The following SIGLEC12 variants were observed in gnomAD, a reference collection of about 807,000 sequenced individuals.
The protein encoded by SIGLEC12 is sialic acid binding Ig like lectin 12, also known as sialic acid-binding Ig-like lectin 12.
SIGLEC12 carries 43 observed loss-of-function variants against 54.1 expected under a neutral mutation model. The observed-to-expected ratio is 0.80, with a 90% confidence interval of 0.62 to 1.03. SIGLEC12 has a LOEUF of 1.03. SIGLEC12 is among the 50% of genes least tolerant of loss of function. The probability of loss-of-function intolerance (pLI) is 0.00; values close to 1 mark genes in which losing one functional copy is unlikely to be tolerated. For synonymous variants in SIGLEC12, 357 were observed against 307.6 expected (o/e 1.16, Z -1.68); for missense variants, 802 against 735.2 (o/e 1.09, Z -1.05).
In SIGLEC12 at chr19:51,493,887, G is replaced by GT; in HGVS notation, c.1600-2059dup. 2.0e-5 allele frequency among the ~76,000 whole-genome samples: 3 copies of GT among 152,308 alleles called. 1 individual carries two copies. The highest frequency in any genetic ancestry group is 2.0e-4 in the Admixed American group (3 of 15,302). Reference sequence around the variant, plus strand: ...CCAGAGGGATCCCATGAAAATAAAAGTTAATCATGGTCTCTTGCACAAAAC... The same window carrying GT: ...CCAGAGGGATCCCATGAAAATAAAAGTTTAATCATGGTCTCTTGCACAAAAC... On this transcript the variant is annotated intron_variant, in intron 7 of 7. Transcript: ENST00000291707.
chr19:51,500,291 T>G lies in SIGLEC12; in HGVS notation c.437A>C (p.Asp146Ala). Residue 146 changes from aspartate to alanine, a missense_variant, in exon 2 of 8, where the codon GAC becomes GCC. By Grantham distance (126) the Asp-to-Ala change is moderately radical. Transcript: ENST00000291707. Reference protein sequence around the residue: ...QLSVNVTASQDLLSRYRLEVP... With the variant: ...QLSVNVTASQALLSRYRLEVP... ...CTCCAGCCTGTATCTTGACAGTAGG[T>G]CCTGGGACGCTGTGGAGAAACGAGG... 1 of 1,614,084 alleles carries G rather than the reference T, an allele frequency of 6.2e-7. No homozygotes were observed. The highest frequency in any genetic ancestry group is 8.5e-7 in the Non-Finnish European group (1 of 1,180,004).
chr19:51,499,094 C>G, intron 4 of SIGLEC12, 76 bp downstream of exon 4: 1 of 1,525,068 alleles, frequency 6.6e-7, no homozygotes, highest in Non-Finnish European at 9.1e-7. Context: ...GGTCTCAGGT[C>G]ACCAGGGTGA....
Position 51,501,782 on chromosome 19 carries a change from G to T in SIGLEC12, c.-49C>A. 1.3e-6 allele frequency: 2 copies of T among 1,514,356 alleles called. No homozygotes were observed. The highest frequency in any genetic ancestry group is 1.8e-6 in the Non-Finnish European group (2 of 1,128,306). The allele number at this position is 1,514,356 out of a possible 1,614,324, so 93.8% of individuals were successfully genotyped here. ...TTGCTGAGGTAAGTCTGTTCCTCAG[G>T]GTTCTTCTCTCAGGAACTGAGAACT... is the stretch of plus-strand genomic sequence containing the variant. On this transcript the variant is annotated 5_prime_UTR_variant, in exon 1 of 8. Coordinates refer to ENST00000291707, the MANE Select transcript of SIGLEC12 (RefSeq NM_053003.4).
chr19:51,491,899 A>C, intron 7 of SIGLEC12, 70 bp from the exon 8 acceptor site: 1 of 1,259,744 alleles, frequency 7.9e-7, no homozygotes, highest in South Asian at 1.5e-5. Flanking sequence ...GCATCCAGGA[A>C]GGAGGCCCAG....
chr19:51,500,659 C>T (rs1041799633), intron 1 of SIGLEC12, among the ~76,000 whole-genome samples: 1 of 152,084 alleles, frequency 6.6e-6, no homozygotes, highest in Non-Finnish European at 1.5e-5. Flanking sequence ...GCACCAGACA[C>T]GTAGGTCCTG....
chr19:51,496,255 G>A (rs546663021), intron 7 of SIGLEC12, among the ~76,000 whole-genome samples: 1 of 152,336 alleles, frequency 6.6e-6, no homozygotes, highest in Admixed American at 6.5e-5. Flanking sequence ...GATCACCTGA[G>A]GTTGGGAGTT....
At chr19:51,491,859 C>A in intron 7 of SIGLEC12, 30 bp from the exon 8 acceptor site, 1 of 1,510,322 alleles carries the variant, frequency 6.6e-7, no homozygotes, top group Admixed American at 2.1e-5. Flanking sequence ...GGAGTCAGTG[C>A]AGAGCAGTGG....
chr19:51,497,128 CAG>C lies in SIGLEC12; in HGVS notation c.1503-154_1503-153del, dbSNP rs3833874. 1.2e-4 allele frequency: 157 copies of C among 1,300,298 alleles called. 1 individual carries two copies. In the East Asian group the frequency reaches 3.5e-3, roughly 29 times the overall value. The allele number at this position is 1,300,298 out of a possible 1,614,324, so 80.5% of individuals were successfully genotyped here. A position where few individuals can be genotyped will look rare whatever the true frequency, so the allele number is the denominator to read the frequency against. The stretch of plus-strand genomic sequence containing the variant: ...ATTCCAGAGACCCCAATGTCGAAAA[CAG>C]AGGCTCTTTTTTCCTGGGCAGTAGG... On this transcript the variant is annotated intron_variant, in intron 6 of 7. Transcript: ENST00000291707.
chr19:51,492,094 T>C (rs73049692), intron 7 of SIGLEC12, among the ~76,000 whole-genome samples: 8,851 of 152,198 alleles, frequency 0.058, 346 homozygotes, highest in East Asian at 0.16. Flanking sequence ...GAGGTAGAAA[T>C]GGTTAAGTAC....
rs1243586814 is a variant in SIGLEC12, at chr19:51,501,716, T to TGGTGGC, written c.17_18insGCCACC (p.Leu6_Leu7insProPro). 1.9e-6 allele frequency: 3 copies of TGGTGGC among 1,609,250 alleles called. No homozygotes were observed. In the East Asian group the frequency reaches 6.7e-5, roughly 36 times the overall value. The stretch of plus-strand genomic sequence containing the variant: ...TCCCACAGAGCAGGGGTGGCAGCAG[T>TGGTGGC]AGCAGCAGCAGTAGCATGTGTCGGG... On this transcript the variant is annotated inframe_insertion, in exon 1 of 8. Coordinates refer to ENST00000291707, the MANE Select transcript of SIGLEC12 (RefSeq NM_053003.4).
chr19:51,491,835 T>C lies in SIGLEC12; in HGVS notation c.1600-6A>G. 6.5e-7 allele frequency: 1 copy of C among 1,548,164 alleles called. No individual in the cohort carries two copies. Among genetic ancestry groups the C allele is most frequent in the Non-Finnish European group, 8.7e-7 (1 of 1,150,954 alleles). On this transcript the variant is annotated splice_polypyrimidine_tract_variant and splice_region_variant and intron_variant, in intron 7 of 7. Transcript: ENST00000291707. ...GGGGATTCAATCAGGGGTCCCTGAATGGAGGAAGAGAAGGGAGTCAGTGCA... is the reference window on the plus strand; with the variant it reads ...GGGGATTCAATCAGGGGTCCCTGAACGGAGGAAGAGAAGGGAGTCAGTGCA...
In SIGLEC12 at chr19:51,498,112, A is replaced by G. The variant is rs576680468; in HGVS notation, c.1311T>C (p.His437=). ...NLGVLELPRV[H]VKDEGEFTCR... ...AGGTGAATTCCCCTTCATCCTTCAC[A>G]TGCACTCGAGGCAGCTCCAGCACCC... is the stretch of plus-strand genomic sequence containing the variant. Residue 437 remains histidine, a synonymous_variant, in exon 5 of 8, where the codon CAT becomes CAC. Coordinates refer to ENST00000291707, the MANE Select transcript of SIGLEC12 (RefSeq NM_053003.4). 5 of 1,614,178 alleles carry G rather than the reference A, an allele frequency of 3.1e-6. No individual in the cohort carries two copies. The East Asian group carries it at 8.9e-5, about 29-fold the overall frequency.
chr19:51,499,055 AG>A (rs902965969), intron 4 of SIGLEC12, 114 bp downstream of exon 4: 220 of 1,023,390 alleles, frequency 2.1e-4, no homozygotes, highest in Non-Finnish European at 3.0e-4. Flanking sequence ...AGGCTGAGGG[AG>A]GGGGGGGCCG....
At position 51,500,131 on chromosome 19, in the gene SIGLEC12, C is replaced by T; in HGVS notation, c.597G>A (p.Trp199Ter). The change falls in exon 2 of 8, where the codon TGG becomes TGA. Residue 199 changes from tryptophan to a stop codon, truncating the protein, a stop_gained. Coordinates refer to ENST00000291707, the MANE Select transcript of SIGLEC12 (RefSeq NM_053003.4). LOFTEE classifies it high-confidence loss of function. The part of the protein sequence containing the change: ...SWFKEGADIP[W>*]DIPVATNTPS... ...GGGTGTTTGTGGCCACTGGAATATC[C>T]CATGGTATATCGGCCCCTTCCTTGA... 3 of 1,614,142 alleles carry T rather than the reference C, an allele frequency of 1.9e-6. No homozygotes were observed. The highest frequency in any genetic ancestry group is 8.5e-7 in the Non-Finnish European group (1 of 1,180,022).
In SIGLEC12 at chr19:51,501,648, T is replaced by G; in HGVS notation, c.86A>C (p.Gln29Pro). ...GCCCTCCTGCACCGTCACGGACTTCTGCATTGTCAGCAGGTAATCCTTCTG... is the reference window on the plus strand; with the variant it reads ...GCCCTCCTGCACCGTCACGGACTTCGGCATTGTCAGCAGGTAATCCTTCTG... ...KEQKDYLLTM[Q>P]KSVTVQEGLC... is the part of the protein sequence containing the mutation. Residue 29 changes from glutamine (Q) to proline (P), a missense_variant, in exon 1 of 8, where the codon CAG becomes CCG. Gln to Pro is a moderately conservative substitution (Grantham distance 76). Coordinates refer to ENST00000291707, the MANE Select transcript of SIGLEC12 (RefSeq NM_053003.4). The G allele has an allele frequency of 6.2e-7, 1 of 1,614,196 alleles. No individual in the cohort carries two copies. Among genetic ancestry groups the G allele is most frequent in the Non-Finnish European group, 8.5e-7 (1 of 1,180,020 alleles).
chr19:51,500,660 G>T (rs541723996), intron 1 of SIGLEC12, among the ~76,000 whole-genome samples: 77 of 152,152 alleles, frequency 5.1e-4, no homozygotes, highest in African/African-American at 1.8e-3. Context: ...CACCAGACAC[G>T]TAGGTCCTGC....
chr19:51,492,049 A>G (rs957342531), intron 7 of SIGLEC12, among the ~76,000 whole-genome samples: 2 of 152,200 alleles, frequency 1.3e-5, no homozygotes, highest in African/African-American at 4.8e-5. Flanking sequence ...ATAGTAAGAT[A>G]TTATTATTGT....
rs920335103 is a variant in SIGLEC12, at chr19:51,499,701, G to A, written c.824C>T (p.Pro275Leu). The A allele has an allele frequency of 3.7e-6, 6 of 1,614,048 alleles. No individual in the cohort carries two copies. In the East Asian group the frequency reaches 6.7e-5, roughly 18 times the overall value. The change falls in exon 3 of 8, where the codon CCC (proline) becomes CTC (leucine). Residue 275 changes from proline (P) to leucine (L), a missense_variant. Pro to Leu is a moderately conservative substitution (Grantham distance 98). Coordinates refer to ENST00000291707, the MANE Select transcript of SIGLEC12 (RefSeq NM_053003.4). ...CAGGGTCCCCGGGATGGAGAAGGTG[G>A]GCATGTGAGTCAGGGCTGGTGATGA... is the stretch of plus-strand genomic sequence containing the variant. ...SVHVTALTHM[P>L]TFSIPGTLES...
rs2122228813 is a variant in SIGLEC12, at chr19:51,501,607, G to A, written c.127C>T (p.Leu43Phe). ...TTTTGGGGGTAGGAGAAGGAGCAAA[G>A]CACAGAGACACACAGGCCCTCCTGC... ...TVQEGLCVSV[L>F]CSFSYPQNGW... The change falls in exon 1 of 8, where the codon CTT becomes TTT. Residue 43 changes from leucine (L) to phenylalanine (F), a missense_variant. Coordinates refer to ENST00000291707, the MANE Select transcript of SIGLEC12 (RefSeq NM_053003.4). 6.2e-7 allele frequency: 1 copy of A among 1,614,106 alleles called. No homozygotes were observed.
Sources: allele counts gnomAD v4.1 joint callset (sites outside exome capture counted in the v4.1 genomes callset), GRCh38; gene constraint gnomAD v4.1.1; transcripts MANE v1.5; gene names NCBI Gene and HGNC (gene_info 2026-07-23, HGNC 2026-07-21).